Variants in AOX1 observed in about 807,000 individuals in gnomAD.
The protein encoded by AOX1 is aldehyde oxidase 1.
In AOX1, 153 loss-of-function variants were observed where a neutral mutation model predicts 169.5. That is an observed-to-expected ratio of 0.90 (90% CI 0.79 to 1.03). AOX1 has a LOEUF of 1.03. Ranked by LOEUF, AOX1 falls within the 50% of genes least tolerant of loss-of-function variation. AOX1 has a pLI of 0.00. For missense variants in AOX1, 1,656 were observed against 1,663.9 expected (o/e 1.00, Z 0.08); for synonymous variants, 562 against 581.9 (o/e 0.97, Z 0.49).
At chr2:200,661,925 C>A (rs973618391) in intron 30 of AOX1, among the ~76,000 whole-genome samples, 12 of 152,104 alleles carry the variant, frequency 7.9e-5, no homozygotes, top group African/African-American at 2.9e-4. Context: ...ACTTGGAATA[C>A]TCGGCAGTGG....
intron 15 of AOX1, among the ~76,000 whole-genome samples, chr2:200,614,231 T>C (rs2034703934): frequency 6.6e-6 from 1 of 152,234 alleles, no homozygotes; most frequent in African/African-American, 2.4e-5. Context: ...TTCCAGATCA[T>C]GTTCAGAAAA....
intron 18 of AOX1, among the ~76,000 whole-genome samples, chr2:200,622,082 G>A (rs888605431): frequency 6.6e-6 from 1 of 152,204 alleles, no homozygotes; most frequent in African/African-American, 2.4e-5. Context: ...GAGCATCTAT[G>A]ATGTCTGGTC....
intron 20 of AOX1, among the ~76,000 whole-genome samples, chr2:200,628,277 C>T (rs1259974158): frequency 6.6e-6 from 1 of 152,042 alleles, no homozygotes; most frequent in Non-Finnish European, 1.5e-5. Context: ...GCATTTGTTT[C>T]CTAAAAACAG....
intron 21 of AOX1, 80 bp from the exon 22 acceptor site, chr2:200,636,831 T>G: frequency 6.6e-7 from 1 of 1,510,854 alleles, no homozygotes; most frequent in Non-Finnish European, 8.9e-7. Context: ...GTTGTTAAAA[T>G]CATAGATGTG....
At chr2:200,653,923 AC>A (rs2035628521) in intron 26 of AOX1, among the ~76,000 whole-genome samples, 1 of 152,164 alleles carries the variant, frequency 6.6e-6, no homozygotes, top group Non-Finnish European at 1.5e-5. Flanking sequence ...ACCATGAACC[AC>A]ATCCATATAA....
chr2:200,666,882 C>T, intron 32 of AOX1, 130 bp downstream of exon 32: 1 of 536,642 alleles, frequency 1.9e-6, no homozygotes. Context: ...TCTATTCAGA[C>T]CAACTGCAGA....
intron 5 of AOX1, among the ~76,000 whole-genome samples, chr2:200,601,988 G>A (rs2034425041): frequency 6.6e-6 from 1 of 151,862 alleles, no homozygotes; most frequent in African/African-American, 2.4e-5. Flanking sequence ...TCTTGAATGT[G>A]ACTGTAGAGC....
At chr2:200,677,865 G>C (rs187736325), downstream of AOX1, among the ~76,000 whole-genome samples, 1 of 152,118 alleles carries the variant, frequency 6.6e-6, no homozygotes, top group East Asian at 1.9e-4. Context: ...GAGCATACCC[G>C]CCCTGCATGT....
At chr2:200,604,628 A>T in intron 8 of AOX1, 68 bp from the exon 9 acceptor site, 1 of 1,522,486 alleles carries the variant, frequency 6.6e-7, no homozygotes, top group Non-Finnish European at 9.1e-7. Flanking sequence ...TACAGTGCTA[A>T]TGATTGAGTG....
chr2:200,650,805 G>A (rs1041192805), intron 25 of AOX1, among the ~76,000 whole-genome samples, 169 bp from the exon 26 acceptor site: 3 of 152,226 alleles, frequency 2.0e-5, no homozygotes, highest in Non-Finnish European at 4.4e-5. Context: ...GAAGCTCTGA[G>A]TAGAGGAAGA....
At chr2:200,657,829 A>T (rs2035724537) in intron 27 of AOX1, among the ~76,000 whole-genome samples, 2 of 152,124 alleles carry the variant, frequency 1.3e-5, no homozygotes, top group Non-Finnish European at 2.9e-5. Flanking sequence ...AAAAACAAAG[A>T]CCCTACACAG....
intron 12 of AOX1, among the ~76,000 whole-genome samples, chr2:200,611,009 A>G (rs2034626145): frequency 1.3e-5 from 2 of 152,088 alleles, no homozygotes; most frequent in South Asian, 4.1e-4. Context: ...GCGCACAACC[A>G]TGCCCAGCTA....
At chr2:200,608,954 CTG>C in intron 10 of AOX1, 28 bp from the exon 11 acceptor site, 1 of 1,605,066 alleles carries the variant, frequency 6.2e-7, no homozygotes, top group Non-Finnish European at 8.5e-7. Context: ...AGTGATCGCA[CTG>C]TGTTATTTAC....
chr2:200,662,208 C>T (rs1335291563), intron 30 of AOX1, among the ~76,000 whole-genome samples: 2 of 152,184 alleles, frequency 1.3e-5, no homozygotes, highest in African/African-American at 4.8e-5. Context: ...GGTGCGGGAC[C>T]TGGGCACTGA....
intron 27 of AOX1, among the ~76,000 whole-genome samples, chr2:200,657,161 C>CAAAA (rs67071824): frequency 8.7e-4 from 72 of 82,920 alleles, no homozygotes; most frequent in African/African-American, 3.0e-3. Flanking sequence ...CCATCTCTAC[C>CAAAA]AAAAATATAT....
chr2:200,655,340 G>A (rs2035661480), intron 26 of AOX1, among the ~76,000 whole-genome samples: 1 of 152,178 alleles, frequency 6.6e-6, no homozygotes, highest in African/African-American at 2.4e-5. Flanking sequence ...TCTGATGCAT[G>A]GCCCCCAGGC....
At position 200,586,142 on chromosome 2, in the gene AOX1, A is replaced by T; in HGVS notation, c.34A>T (p.Asn12Tyr). 2 of 1,565,078 alleles carry T rather than the reference A, an allele frequency of 1.3e-6. No individual in the cohort carries two copies. The highest frequency in any genetic ancestry group is 1.7e-6 in the Non-Finnish European group (2 of 1,156,070). The change falls in exon 1 of 35, where the codon AAC (asparagine) becomes TAC (tyrosine). Residue 12 changes from asparagine to tyrosine, a missense_variant. Physicochemically the swap from Asn to Tyr is moderately radical, Grantham distance 143. Coordinates refer to ENST00000374700, the MANE Select transcript of AOX1 (RefSeq NM_001159.4). Reference sequence around the variant, plus strand: ...GGCGTCCGAGCTGCTCTTCTACGTGAACGGCCGCAAGGTGAGCGCCCGCGG... The same window carrying T: ...GGCGTCCGAGCTGCTCTTCTACGTGTACGGCCGCAAGGTGAGCGCCCGCGG... The part of the protein sequence containing the change: ...DRASELLFYV[N>Y]GRKVIEKNVD...
At position 200,662,723 on chromosome 2, in the gene AOX1, A is replaced by G. The variant is rs921376348; in HGVS notation, c.3429-132A>G. On this transcript the variant is annotated intron_variant, in intron 30 of 34. Coordinates refer to ENST00000374700, the MANE Select transcript of AOX1 (RefSeq NM_001159.4). ...TATTCAACACATTTATCGCACATAC[A>G]TTAGGTGCTGGCACATACATTAGGT... The G allele has an allele frequency of 3.1e-5, 21 of 671,308 alleles. No individual in the cohort carries two copies. The Admixed American group carries it at 4.0e-4, about 13-fold the overall frequency. The allele number at this position is 671,308 out of a possible 1,614,324, so 41.6% of individuals were successfully genotyped here. A position where few individuals can be genotyped will look rare whatever the true frequency, so the allele number is the denominator to read the frequency against.
chr2:200,606,169 T>C (rs1349424964), intron 10 of AOX1, among the ~76,000 whole-genome samples: 1 of 152,222 alleles, frequency 6.6e-6, no homozygotes, highest in African/African-American at 2.4e-5. Flanking sequence ...GTATAAGGTG[T>C]AAGGAAGGGG....
Sources: gnomAD v4.1 joint callset for allele counts (sites outside exome capture counted in the v4.1 genomes callset) on GRCh38, gnomAD v4.1.1 for gene constraint, MANE v1.5 for transcripts, NCBI Gene and HGNC (gene_info 2026-07-23, HGNC 2026-07-21) for gene names.